The following CNKSR3 variants were observed in gnomAD, a reference collection of about 807,000 sequenced individuals.
CNKSR3 encodes the protein CNKSR family member 3, also known as connector enhancer of kinase suppressor of ras 3.
In CNKSR3, 36 loss-of-function variants were observed where a neutral mutation model predicts 67.7. The ratio of observed to expected loss-of-function variants is 0.53; its 90% CI spans 0.41 to 0.70. The LOEUF (loss-of-function observed/expected upper bound fraction) is 0.70, where lower values mean the gene tolerates loss of function less well. Among genes scored for constraint, CNKSR3 ranks in the 30% least tolerant of loss-of-function variants. CNKSR3 has a pLI of 0.00. For synonymous variants in CNKSR3, 281 were observed against 271.4 expected (o/e 1.04, Z -0.35); for missense variants, 630 against 695.2 (o/e 0.91, Z 1.05).
At position 154,402,342 on chromosome 6, in the gene CNKSR3, G is replaced by A. The variant is rs530826239; in HGVS notation, c.*4012C>T. On this transcript the variant is annotated 3_prime_UTR_variant, in exon 13 of 13. Transcript: ENST00000607772. Reference sequence around the variant, plus strand: ...CAATATTCATATAGATGGGAACTCAGTTTACAATAACAAATCTATGATCTC... The same window carrying A: ...CAATATTCATATAGATGGGAACTCAATTTACAATAACAAATCTATGATCTC... The A allele has an allele frequency of 6.6e-6, 1 of 152,278 alleles. No homozygotes were observed. Among genetic ancestry groups the A allele is most frequent in the Admixed American group, 6.5e-5 (1 of 15,302 alleles). 9.4% of individuals were successfully genotyped at this position (152,278 alleles called of 1,614,324 possible). A position where few individuals can be genotyped will look rare whatever the true frequency, so the allele number is the denominator to read the frequency against.
intron 7 of CNKSR3, among the ~76,000 whole-genome samples, chr6:154,427,638 G>T (rs1333333285): frequency 1.3e-5 from 2 of 152,122 alleles, no homozygotes; most frequent in African/African-American, 2.4e-5. Flanking sequence ...CCTATTCAAG[G>T]GCTGGGGAGA....
At chr6:154,428,575 C>T (rs1055300271) in intron 6 of CNKSR3, among the ~76,000 whole-genome samples, 4 of 152,114 alleles carry the variant, frequency 2.6e-5, no homozygotes, top group Non-Finnish European at 4.4e-5. Context: ...TGGAGTGTAG[C>T]GATGCAAACA....
chr6:154,487,012 AG>A (rs1490580379), intron 1 of CNKSR3, among the ~76,000 whole-genome samples: 1 of 151,512 alleles, frequency 6.6e-6, no homozygotes, highest in Admixed American at 6.6e-5. Context: ...AGGGGGTTCA[AG>A]TGATTCTCCT....
At chr6:154,413,607 A>C (rs1442040173) in intron 10 of CNKSR3, among the ~76,000 whole-genome samples, 1 of 152,140 alleles carries the variant, frequency 6.6e-6, no homozygotes, top group Non-Finnish European at 1.5e-5. Flanking sequence ...TTAATCTCAC[A>C]GAAATACTTA....
In CNKSR3 at chr6:154,394,054, T is replaced by C. The variant is rs1207859960; in HGVS notation, c.*12300A>G. The stretch of plus-strand genomic sequence containing the variant: ...CTTTTGTGAGATGAGGGTTTTGCTT[T>C]GTCATCCAGACTGGAGTGCAGTGGT... On this transcript the variant is annotated 3_prime_UTR_variant, in exon 13 of 13. Transcript: ENST00000607772. 1 of 152,212 alleles carries C rather than the reference T, an allele frequency of 6.6e-6. No homozygotes were observed. The highest frequency in any genetic ancestry group is 1.5e-5 in the Non-Finnish European group (1 of 68,056). The allele number at this position is 152,212 out of a possible 1,614,324, so 9.4% of individuals were successfully genotyped here.
chr6:154,483,530 A>C (rs537480356), intron 1 of CNKSR3, among the ~76,000 whole-genome samples: 4 of 151,852 alleles, frequency 2.6e-5, no homozygotes, highest in Non-Finnish European at 5.9e-5. Context: ...ATCCTCGAAA[A>C]CCATCCTCAA....
At chr6:154,432,033 C>T (rs1265778942) in intron 5 of CNKSR3, among the ~76,000 whole-genome samples, 1 of 152,092 alleles carries the variant, frequency 6.6e-6, no homozygotes, top group East Asian at 1.9e-4. Flanking sequence ...AGGAGCACAA[C>T]TGTTGGATCA....
At chr6:154,458,350 T>C (rs2128720413) in intron 1 of CNKSR3, among the ~76,000 whole-genome samples, 1 of 152,302 alleles carries the variant, frequency 6.6e-6, no homozygotes, top group East Asian at 1.9e-4. Context: ...TTTAAAACCA[T>C]AGAAAATGCT....
In CNKSR3 at chr6:154,491,669, A is replaced by G. The variant is rs1027742913; in HGVS notation, c.52+18394T>C. On this transcript the variant is annotated intron_variant, in intron 1 of 12. Coordinates refer to ENST00000607772, the MANE Select transcript of CNKSR3 (RefSeq NM_173515.4). The stretch of plus-strand genomic sequence containing the variant: ...TCATTTCCTGATCTTCATTTCCAAA[A>G]CAATGTGAAAAAAAAAAATGAAGAG... Among the ~76,000 whole-genome samples, 10 of 150,780 alleles carry G rather than the reference A, an allele frequency of 6.6e-5. No homozygotes were observed. The South Asian group carries it at 2.1e-3, about 31-fold the overall frequency.
chr6:154,436,543 C>G (rs1785476097), intron 4 of CNKSR3, among the ~76,000 whole-genome samples: 1 of 152,116 alleles, frequency 6.6e-6, no homozygotes, highest in East Asian at 1.9e-4. Flanking sequence ...TGTTAAGATA[C>G]TATCTTGTTA....
At chr6:154,462,686 A>G (rs1017695929) in intron 1 of CNKSR3, among the ~76,000 whole-genome samples, 1 of 152,174 alleles carries the variant, frequency 6.6e-6, no homozygotes, top group Non-Finnish European at 1.5e-5. Flanking sequence ...GTGAGGTCCC[A>G]TCTACCTAGA....
chr6:154,392,716 A>C lies in CNKSR3; in HGVS notation c.*13638T>G, dbSNP rs1784621682. Reference sequence around the variant, plus strand: ...CATTAGCATCGATGTTTGGGGAACAAGGAGCCCTTGCCTCCCCTGACGGCA... The same window carrying C: ...CATTAGCATCGATGTTTGGGGAACACGGAGCCCTTGCCTCCCCTGACGGCA... On this transcript the variant is annotated 3_prime_UTR_variant, in exon 13 of 13. Coordinates refer to ENST00000607772, the MANE Select transcript of CNKSR3 (RefSeq NM_173515.4). 6.6e-6 allele frequency: 1 copy of C among 152,282 alleles called. No homozygotes were observed. Among genetic ancestry groups the C allele is most frequent in the South Asian group, 2.1e-4 (1 of 4,834 alleles). 9.4% of individuals were successfully genotyped at this position (152,282 alleles called of 1,614,324 possible). A position where few individuals can be genotyped will look rare whatever the true frequency, so the allele number is the denominator to read the frequency against.
At chr6:154,440,987 CA>C (rs1297118705) in intron 4 of CNKSR3, among the ~76,000 whole-genome samples, 1 of 150,552 alleles carries the variant, frequency 6.6e-6, no homozygotes, top group Non-Finnish European at 1.5e-5. Flanking sequence ...CCAGAATTTT[CA>C]TTAAAAAAAA....
intron 1 of CNKSR3, among the ~76,000 whole-genome samples, chr6:154,456,200 A>G (rs1446485887): frequency 1.3e-5 from 2 of 152,168 alleles, no homozygotes; most frequent in Non-Finnish European, 2.9e-5. Flanking sequence ...CAGAAGCTAC[A>G]ATTCTTCAAA....
At chr6:154,459,549 C>A (rs1003527308) in intron 1 of CNKSR3, among the ~76,000 whole-genome samples, 1 of 152,154 alleles carries the variant, frequency 6.6e-6, no homozygotes, top group Non-Finnish European at 1.5e-5. Context: ...TAGTAATGAG[C>A]CCACAGCTTC....
intron 1 of CNKSR3, among the ~76,000 whole-genome samples, chr6:154,485,654 G>C (rs975718185): frequency 6.6e-6 from 1 of 152,148 alleles, no homozygotes; most frequent in Non-Finnish European, 1.5e-5. Context: ...CCTGCAAGGC[G>C]CCTCTTTGAC....
Position 154,410,416 on chromosome 6 carries a change from C to T in CNKSR3, c.1296G>A (p.Leu432=), listed in dbSNP as rs770316254. 4 of 1,613,914 alleles carry T rather than the reference C, an allele frequency of 2.5e-6. No homozygotes were observed. Among genetic ancestry groups the T allele is most frequent in the Non-Finnish European group, 2.5e-6 (3 of 1,179,866 alleles). ...TCCAGTTCCCATCAGCAGGCATGGA[C>T]AAAGGCCGTGGCTTGCCTTCAGAGG... ...KTPSYGKPRP[L]SMPADGNWMG... is the part of the protein sequence containing the mutation. The change falls in exon 12 of 13, where the codon TTG becomes TTA. Residue 432 remains leucine, a synonymous_variant. Coordinates refer to ENST00000607772, the MANE Select transcript of CNKSR3 (RefSeq NM_173515.4).
chr6:154,460,053 C>G lies in CNKSR3; in HGVS notation c.53-9795G>C, dbSNP rs56292313. ...AAATGGACCCAGCCTGCCCCCACCC[C>G]CTCCTGGGACCCTGAGCTGCTGAAA... On this transcript the variant is annotated intron_variant, in intron 1 of 12. Transcript: ENST00000607772. Among the ~76,000 whole-genome samples, 108 of 152,342 alleles carry G rather than the reference C, an allele frequency of 7.1e-4. 2 individuals are homozygous for G. Among genetic ancestry groups the G allele is most frequent in the Non-Finnish European group, 2.9e-4 (20 of 68,032 alleles).
chr6:154,467,236 G>A (rs1047143944), intron 1 of CNKSR3, among the ~76,000 whole-genome samples: 7 of 152,062 alleles, frequency 4.6e-5, no homozygotes, highest in Non-Finnish European at 8.8e-5. Flanking sequence ...CTCATGGCCC[G>A]TTTCTTGTTT....
Sources: allele counts gnomAD v4.1 joint callset (sites outside exome capture counted in the v4.1 genomes callset), GRCh38; gene constraint gnomAD v4.1.1; transcripts MANE v1.5; gene names NCBI Gene and HGNC (gene_info 2026-07-23, HGNC 2026-07-21).